The following AOPEP variants were observed in gnomAD, a reference collection of about 807,000 sequenced individuals.
AOPEP encodes the protein aminopeptidase O.
In AOPEP, 77 loss-of-function variants were observed where a neutral mutation model predicts 98.1. The observed-to-expected ratio is 0.78, with a 90% CI of 0.65 to 0.95. The LOEUF (loss-of-function observed/expected upper bound fraction) is 0.95, where lower values mean the gene tolerates loss of function less well. Among genes scored for constraint, AOPEP ranks in the 40% least tolerant of loss-of-function variants. The pLI is 0.00. For synonymous variants in AOPEP, 346 were observed against 365.3 expected, an observed-to-expected ratio of 0.95 and a Z score of 0.60; for missense variants, 1,024 against 1,024.7, an observed-to-expected ratio of 1.00 and a Z score of 0.01.
rs115414385 is a variant in AOPEP, at chr9:94,785,790, T to C, written c.965-6975T>C. 4.9e-3 allele frequency among the ~76,000 whole-genome samples: 753 copies of C among 152,274 alleles called. 11 individuals carry two copies. The highest frequency in any genetic ancestry group is 0.017 in the African/African-American group (715 of 41,540). Reference sequence around the variant, plus strand: ...GCAAAGGGAGTCTAGTGCAAGTGGATTGAATCAAAAGGAAAATGAAGGCAT... The same window carrying C: ...GCAAAGGGAGTCTAGTGCAAGTGGACTGAATCAAAAGGAAAATGAAGGCAT... On this transcript the variant is annotated intron_variant, in intron 3 of 16. Coordinates refer to ENST00000375315, the MANE Select transcript of AOPEP (RefSeq NM_001193329.3).
intron 9 of AOPEP, among the ~76,000 whole-genome samples, chr9:94,967,424 G>A (rs1294939938): frequency 1.3e-5 from 2 of 152,168 alleles, no homozygotes; most frequent in African/African-American, 4.8e-5. Flanking sequence ...AATTGGAGGC[G>A]ATGGGGGAGT....
intron 13 of AOPEP, among the ~76,000 whole-genome samples, chr9:95,024,155 C>T (rs569972191): frequency 3.3e-5 from 5 of 152,270 alleles, no homozygotes; most frequent in East Asian, 1.9e-4. Context: ...ATCAGCCAGC[C>T]GGCTCTATCA....
At chr9:94,979,760 G>C (rs1016641055) in intron 11 of AOPEP, among the ~76,000 whole-genome samples, 1 of 152,160 alleles carries the variant, frequency 6.6e-6, no homozygotes, top group Admixed American at 6.5e-5. Flanking sequence ...GGTGGTGGGG[G>C]GGCAGGTGGC....
At chr9:95,062,057 G>A (rs570108930) in intron 14 of AOPEP, among the ~76,000 whole-genome samples, 46 of 152,320 alleles carry the variant, frequency 3.0e-4, no homozygotes, top group African/African-American at 1.1e-3. Context: ...AGCAGGCACC[G>A]GGCACCTGTC....
At chr9:95,103,487 C>T in the AOPEP span, among the ~76,000 whole-genome samples, 28 of 152,128 alleles carry the variant, frequency 1.8e-4, no homozygotes, top group African/African-American at 6.8e-4. Flanking sequence ...AAGTGTGAAT[C>T]CAGGACAGGA....
At chr9:94,828,106 A>G (rs1386702817) in intron 5 of AOPEP, among the ~76,000 whole-genome samples, 1 of 152,144 alleles carries the variant, frequency 6.6e-6, no homozygotes, top group Non-Finnish European at 1.5e-5. Context: ...GAATATTTTT[A>G]TAGGAGGCGT....
intron 7 of AOPEP, among the ~76,000 whole-genome samples, chr9:94,951,975 C>G (rs1366987175): frequency 1.3e-5 from 2 of 152,194 alleles, no homozygotes; most frequent in African/African-American, 4.8e-5. Context: ...GACTAAGTGC[C>G]ACAGCTGCAA....
At chr9:95,060,600 T>G in intron 13 of AOPEP, 94 bp from the exon 14 acceptor site, 3 of 833,068 alleles carry the variant, frequency 3.6e-6, no homozygotes, top group Non-Finnish European at 6.3e-6. Flanking sequence ...AGCACCCAGG[T>G]TACCCTGGGT....
At chr9:94,812,105 G>A (rs1850737641) in intron 5 of AOPEP, among the ~76,000 whole-genome samples, 1 of 152,186 alleles carries the variant, frequency 6.6e-6, no homozygotes, top group African/African-American at 2.4e-5. Context: ...GGATTTTCCT[G>A]TACTATGTTT....
intron 5 of AOPEP, among the ~76,000 whole-genome samples, chr9:94,874,352 G>A (rs575650114): frequency 2.6e-5 from 4 of 151,820 alleles, no homozygotes; most frequent in South Asian, 2.1e-4. Context: ...GTTACAAACA[G>A]CATCTAAAAG....
At chr9:95,109,103 CAG>C in the AOPEP span, among the ~76,000 whole-genome samples, 152 of 152,094 alleles carry the variant, frequency 1.0e-3, no homozygotes, top group Non-Finnish European at 1.8e-3. Flanking sequence ...TTTGTAGAGA[CAG>C]GGGTCTATGT....
chr9:95,131,530 G>GC, the AOPEP span, among the ~76,000 whole-genome samples: 2 of 152,168 alleles, frequency 1.3e-5, no homozygotes, highest in African/African-American at 2.4e-5. Context: ...AGGATCTGGT[G>GC]CCCCCCTGAG....
chr9:94,917,704 C>G (rs1390626024), intron 5 of AOPEP, among the ~76,000 whole-genome samples: 1 of 152,176 alleles, frequency 6.6e-6, no homozygotes, highest in Non-Finnish European at 1.5e-5. Context: ...GTTTCTCTCT[C>G]CTTCATCTTG....
At chr9:95,086,146 G>A in intron 16 of AOPEP, 1 of 1,353,434 alleles carries the variant, frequency 7.4e-7, no homozygotes, top group Non-Finnish European at 9.8e-7. Context: ...CAGGAGAGCT[G>A]GGGCTCCCAC....
chr9:95,023,597 A>G (rs1263078041), intron 13 of AOPEP, among the ~76,000 whole-genome samples: 1 of 152,218 alleles, frequency 6.6e-6, no homozygotes, highest in African/African-American at 2.4e-5. Flanking sequence ...CAATTTACAA[A>G]AAGTCTGGTT....
chr9:95,062,979 C>T (rs979312251), intron 14 of AOPEP, among the ~76,000 whole-genome samples: 5 of 152,168 alleles, frequency 3.3e-5, no homozygotes, highest in African/African-American at 1.2e-4. Flanking sequence ...CCTGCCTTGC[C>T]ACCCCTCTGC....
chr9:94,738,223 G>T (rs969933545), intron 1 of AOPEP, among the ~76,000 whole-genome samples: 14 of 152,292 alleles, frequency 9.2e-5, no homozygotes, highest in Non-Finnish European at 1.9e-4. Context: ...CTTCTCTAAG[G>T]TTTCTGAATA....
chr9:95,080,608 G>T, intron 14 of AOPEP, 86 bp from the exon 15 acceptor site: 1 of 860,548 alleles, frequency 1.2e-6, no homozygotes. Context: ...CAGCTTTCCG[G>T]AATACAGAGG....
intron 13 of AOPEP, among the ~76,000 whole-genome samples, chr9:95,007,044 G>C (rs1212619794): frequency 1.3e-5 from 2 of 151,828 alleles, no homozygotes; most frequent in Non-Finnish European, 2.9e-5. Flanking sequence ...TGGAACTACA[G>C]GCACATGGCA....
Sources: gnomAD v4.1 joint callset for allele counts (sites outside exome capture counted in the v4.1 genomes callset) on GRCh38, gnomAD v4.1.1 for gene constraint, MANE v1.5 for transcripts, NCBI Gene and HGNC (gene_info 2026-07-23, HGNC 2026-07-21) for gene names.